The following SLC39A4 variants were observed in gnomAD, a reference collection of about 807,000 sequenced individuals.
The protein encoded by SLC39A4 is zinc transporter ZIP4.
A neutral mutation model predicts 56.6 loss-of-function variants in SLC39A4; 49 were observed. That is an observed-to-expected ratio of 0.87 (90% CI 0.69 to 1.10). SLC39A4 has a LOEUF of 1.10. Ranked by LOEUF, SLC39A4 falls within the 50% of genes least tolerant of loss-of-function variation. The probability of loss-of-function intolerance (pLI) is 0.00; values close to 1 mark genes in which losing one functional copy is unlikely to be tolerated. For synonymous variants in SLC39A4, 540 were observed against 420.4 expected (o/e 1.28, Z -3.48); for missense variants, 993 against 864.2 (o/e 1.15, Z -1.87).
chr8:144,415,016 C>A lies in SLC39A4; in HGVS notation c.762G>T (p.Val254=), dbSNP rs782526602. Residue 254 remains valine (V), a synonymous_variant, in exon 4 of 12, where the codon GTG becomes GTT. Coordinates refer to ENST00000301305, the MANE Select transcript of SLC39A4 (RefSeq NM_130849.4). ...AGCTGTTGCTGGAGCTGATGAGGGG[C>A]ACAGGGTCCCGGCTGCTGGCTCCCC... ...RHRGASSRDP[V]PLISSSNSSS... The A allele has an allele frequency of 3.9e-5, 63 of 1,611,886 alleles. No homozygotes were observed. The highest frequency in any genetic ancestry group is 5.3e-5 in the Non-Finnish European group (62 of 1,179,964).
Position 144,412,575 on chromosome 8 carries a change from A to G in SLC39A4, c.1907T>C (p.Leu636Pro). ...GTCATCCTCGTACAGGGACAGCAGC[A>G]GCAGGACGGTCCAGCCGCCCAGCAG... Reference protein sequence around the residue: ...VGLLGGWTVLLLLSLYEDDIT... With the variant: ...VGLLGGWTVLPLLSLYEDDIT... Residue 636 changes from leucine (L) to proline (P), a missense_variant, in exon 12 of 12, where the codon CTG (leucine) becomes CCG (proline). Transcript: ENST00000301305. 3 of 1,614,240 alleles carry G rather than the reference A, an allele frequency of 1.9e-6. No homozygotes were observed. Among genetic ancestry groups the G allele is most frequent in the Non-Finnish European group, 2.5e-6 (3 of 1,180,044 alleles).
Position 144,416,025 on chromosome 8 carries a change from C to G in SLC39A4, c.259G>C (p.Val87Leu). The G allele has an allele frequency of 6.3e-7, 1 of 1,579,340 alleles. No homozygotes were observed. The highest frequency in any genetic ancestry group is 8.6e-7 in the Non-Finnish European group (1 of 1,164,008). The part of the protein sequence containing the change: ...PEGSGLPPGP[V>L]LEARYVARLS... Reference sequence around the variant, plus strand: ...CGGGCGACGTACCTGGCCTCCAGGACCGGGCCCGGGGGCAGCCCTGACCCC... The same window carrying G: ...CGGGCGACGTACCTGGCCTCCAGGAGCGGGCCCGGGGGCAGCCCTGACCCC... Residue 87 changes from valine (V) to leucine (L), a missense_variant, in exon 2 of 12, where the codon GTC (valine) becomes CTC (leucine). By Grantham distance (32) the Val-to-Leu change is conservative. Coordinates refer to ENST00000301305, the MANE Select transcript of SLC39A4 (RefSeq NM_130849.4).
Position 144,416,134 on chromosome 8 carries a change from G to T in SLC39A4, c.193-43C>A. 2.5e-6 allele frequency: 4 copies of T among 1,598,562 alleles called. No individual in the cohort carries two copies. The South Asian group carries it at 4.5e-5, about 18-fold the overall frequency. On this transcript the variant is annotated intron_variant, in intron 1 of 11. Coordinates refer to ENST00000301305, the MANE Select transcript of SLC39A4 (RefSeq NM_130849.4). ...TGAGCAGGGGCGCTGGGCCCACCAGGGAGGGGAGAGGCAGGCCTGGCCAGG... is the reference window on the plus strand; with the variant it reads ...TGAGCAGGGGCGCTGGGCCCACCAGTGAGGGGAGAGGCAGGCCTGGCCAGG...
chr8:144,415,942 A>T lies in SLC39A4; in HGVS notation c.342T>A (p.Ala114=). 6.3e-7 allele frequency: 1 copy of T among 1,596,340 alleles called. No homozygotes were observed. The highest frequency in any genetic ancestry group is 8.5e-7 in the Non-Finnish European group (1 of 1,173,988). Residue 114 remains alanine (A), a synonymous_variant, in exon 2 of 12, where the codon GCT becomes GCA. Coordinates refer to ENST00000301305, the MANE Select transcript of SLC39A4 (RefSeq NM_130849.4). ...LSNPEGTCED[A]RAGLWASHAD... The stretch of plus-strand genomic sequence containing the variant: ...CATGAGAGGCCCAGAGGCCAGCCCG[A>T]GCGTCCTCACAGGTGCCCTCGGGGT...
chr8:144,416,172 G>A (rs782201205), intron 1 of SLC39A4, 81 bp from the exon 2 acceptor site: 3 of 1,595,744 alleles, frequency 1.9e-6, no homozygotes, highest in African/African-American at 2.7e-5. Flanking sequence ...CTTCCCCGAG[G>A]GCCTGTTTCC....
In SLC39A4 at chr8:144,414,709, C is replaced by A; in HGVS notation, c.976+16G>T. 1 of 1,611,696 alleles carries A rather than the reference C, an allele frequency of 6.2e-7. No homozygotes were observed. The highest frequency in any genetic ancestry group is 8.5e-7 in the Non-Finnish European group (1 of 1,179,024). ...CACCTCTGTGCTGCCAGCACAATGT[C>A]GGCGTGGGCACTCACTCTCTGACTG... is the stretch of plus-strand genomic sequence containing the variant. On this transcript the variant is annotated intron_variant, in intron 5 of 11. Transcript: ENST00000301305.
At chr8:144,414,126 A>C (rs1554872864) in intron 6 of SLC39A4, 31 bp from the exon 7 acceptor site, 2 of 1,551,300 alleles carry the variant, frequency 1.3e-6, no homozygotes, top group Admixed American at 3.9e-5. Flanking sequence ...GCTGGGGGGG[A>C]GGTCCCAGGG....
rs1301955830 is a variant in SLC39A4 at position 144,413,225 on chromosome 8, G to A, written c.1627+12C>T. On this transcript the variant is annotated intron_variant, in intron 10 of 11. Coordinates refer to ENST00000301305, the MANE Select transcript of SLC39A4 (RefSeq NM_130849.4). ...CCCCGCCCATCTCCTTCCAGGCCCC[G>A]CCTGCGCTCACCCAGCTCGTGTGGC... The A allele has an allele frequency of 2.3e-6, 3 of 1,332,690 alleles. No individual in the cohort carries two copies. Among genetic ancestry groups the A allele is most frequent in the African/African-American group, 3.0e-5 (2 of 65,598 alleles). The allele number at this position is 1,332,690 out of a possible 1,614,324, so 82.6% of individuals were successfully genotyped here. A position where few individuals can be genotyped will look rare whatever the true frequency, so the allele number is the denominator to read the frequency against.
At chr8:144,415,499 AC>A (rs1822139806) in intron 2 of SLC39A4, 80 bp from the exon 3 acceptor site, 4 of 1,429,736 alleles carry the variant, frequency 2.8e-6, no homozygotes, top group Non-Finnish European at 3.8e-6. Context: ...TGCATCTCCC[AC>A]CCCAACTACA....
At position 144,413,244 on chromosome 8, in the gene SLC39A4, G is replaced by C. The variant is rs547710676; in HGVS notation, c.1620C>G (p.His540Gln). Residue 540 changes from histidine (H) to glutamine (Q), a missense_variant, in exon 10 of 12, where the codon CAC becomes CAG. Transcript: ENST00000301305. The part of the protein sequence containing the change: ...SLAVFCHELP[H>Q]ELGDFAALLH... Reference sequence around the variant, plus strand: ...GGCCCCGCCTGCGCTCACCCAGCTCGTGTGGCAACTCGTGGCAGAACACGG... The same window carrying C: ...GGCCCCGCCTGCGCTCACCCAGCTCCTGTGGCAACTCGTGGCAGAACACGG... The C allele has an allele frequency of 6.3e-7, 1 of 1,582,962 alleles. No homozygotes were observed. The highest frequency in any genetic ancestry group is 8.6e-7 in the Non-Finnish European group (1 of 1,169,420).
chr8:144,412,961 A>G lies in SLC39A4; in HGVS notation c.1628-15T>C, dbSNP rs1466717528. 1.3e-6 allele frequency: 2 copies of G among 1,584,810 alleles called. No homozygotes were observed. The highest frequency in any genetic ancestry group is 1.3e-5 in the African/African-American group (1 of 74,512). Reference sequence around the variant, plus strand: ...GGCGAAGTCCCCTGCGGGCGAGTCCACATTAACAGCTCCGCCCTCCTAGCT... The same window carrying G: ...GGCGAAGTCCCCTGCGGGCGAGTCCGCATTAACAGCTCCGCCCTCCTAGCT... On this transcript the variant is annotated splice_polypyrimidine_tract_variant and intron_variant, in intron 10 of 11. Transcript: ENST00000301305.
chr8:144,413,383 C>T lies in SLC39A4; in HGVS notation c.1481G>A (p.Arg494Lys). The T allele has an allele frequency of 1.2e-6, 2 of 1,609,332 alleles. No individual in the cohort carries two copies. The highest frequency in any genetic ancestry group is 1.7e-6 in the Non-Finnish European group (2 of 1,179,258). Reference sequence around the variant, plus strand: ...CAGAGTGATCATATAGGGCAGTAGCCTCAACTCTGCGGGCGCAGAGGCCCG... The same window carrying T: ...CAGAGTGATCATATAGGGCAGTAGCTTCAACTCTGCGGGCGCAGAGGCCCG... ...PEPRRLSPEL[R>K]LLPYMITLGD... is the part of the protein sequence containing the mutation. Residue 494 changes from arginine (R) to lysine (K), a missense_variant, in exon 10 of 12, where the codon AGG becomes AAG. By Grantham distance (26) the Arg-to-Lys change is conservative. Coordinates refer to ENST00000301305, the MANE Select transcript of SLC39A4 (RefSeq NM_130849.4).
In SLC39A4 at chr8:144,413,037, G is replaced by GC. The variant is rs782265444; in HGVS notation, c.1628-92dup. 9 of 1,213,142 alleles carry GC rather than the reference G, an allele frequency of 7.4e-6. No homozygotes were observed. In the East Asian group the frequency reaches 9.5e-5, roughly 13 times the overall value. The allele number at this position is 1,213,142 out of a possible 1,614,324, so 75.1% of individuals were successfully genotyped here. On this transcript the variant is annotated intron_variant, in intron 10 of 11. Coordinates refer to ENST00000301305, the MANE Select transcript of SLC39A4 (RefSeq NM_130849.4). Reference sequence around the variant, plus strand: ...TCCCGCCCTCTTACCACCAGGCCCCGCCCACCTGTTCCCGGTCTCCCCGCC... The same window carrying GC: ...TCCCGCCCTCTTACCACCAGGCCCCGCCCCACCTGTTCCCGGTCTCCCCGCC...
chr8:144,413,639 A>T (rs1338126922), intron 8 of SLC39A4, 72 bp from the exon 9 acceptor site: 2 of 1,546,264 alleles, frequency 1.3e-6, no homozygotes, highest in Non-Finnish European at 1.7e-6. Context: ...GGGGCCCCAG[A>T]TCACCGCGGG....
At position 144,413,302 on chromosome 8, in the gene SLC39A4, G is replaced by C; in HGVS notation, c.1562C>G (p.Ser521Cys). The change falls in exon 10 of 12, where the codon TCC becomes TGC. Residue 521 changes from serine (S) to cysteine (C), a missense_variant. Transcript: ENST00000301305. ...GGTGGCCAGCCCGGTCTTCCAGGAG[G>C]ACGCGAAGGCGGCGCCCACGGCCAG... is the stretch of plus-strand genomic sequence containing the variant. ...DGLAVGAAFA[S>C]SWKTGLATSL... 6.2e-7 allele frequency: 1 copy of C among 1,602,950 alleles called. No homozygotes were observed. The highest frequency in any genetic ancestry group is 1.1e-5 in the South Asian group (1 of 90,132).
chr8:144,413,637 A>G (rs1448348731), intron 8 of SLC39A4, 70 bp from the exon 9 acceptor site: 1 of 1,546,504 alleles, frequency 6.5e-7, no homozygotes, highest in African/African-American at 1.4e-5. Flanking sequence ...GCGGGGCCCC[A>G]GATCACCGCG....
chr8:144,415,317 C>G lies in SLC39A4; in HGVS notation c.577G>C (p.Gly193Arg), dbSNP rs143500563. ...CTCGGCAAGGCGTGGAAGCAAGACC[C>G]GCTCCTGACATGGTCCAGCAGGGCA... is the stretch of plus-strand genomic sequence containing the variant. ...LAALLDHVRS[G>R]SCFHALPSPQ... Residue 193 changes from glycine to arginine, a missense_variant, in exon 3 of 12, where the codon GGG (glycine) becomes CGG (arginine). By Grantham distance (125) the Gly-to-Arg change is moderately radical. Coordinates refer to ENST00000301305, the MANE Select transcript of SLC39A4 (RefSeq NM_130849.4). The G allele has an allele frequency of 6.2e-7, 1 of 1,612,920 alleles. No individual in the cohort carries two copies. Among genetic ancestry groups the G allele is most frequent in the Non-Finnish European group, 8.5e-7 (1 of 1,179,802 alleles).
chr8:144,413,613 C>G, intron 8 of SLC39A4, 46 bp from the exon 9 acceptor site: 1 of 1,548,144 alleles, frequency 6.5e-7, no homozygotes, highest in South Asian at 1.2e-5. Context: ...GGAGGAGGAA[C>G]GCGGTGGGGC....
At chr8:144,414,605 G>T in intron 5 of SLC39A4, 120 bp downstream of exon 5, 1 of 1,512,334 alleles carries the variant, frequency 6.6e-7, no homozygotes, top group Non-Finnish European at 8.9e-7. Context: ...CCCTGTGTCT[G>T]TTGTTTCTAC....
Sources: allele counts gnomAD v4.1 joint callset, GRCh38; gene constraint gnomAD v4.1.1; transcripts MANE v1.5; gene names NCBI Gene and HGNC (gene_info 2026-07-23, HGNC 2026-07-21).